Variants in NCOR1 observed in about 807,000 individuals in gnomAD.
The protein encoded by NCOR1 is nuclear receptor corepressor 1, also known as protein phosphatase 1, regulatory subunit 109.
In NCOR1, 63 loss-of-function variants were observed where a neutral mutation model predicts 288.1. The ratio of observed to expected loss-of-function variants is 0.22; its 90% CI spans 0.18 to 0.27. NCOR1 has a LOEUF of 0.27. NCOR1 is among the 10% of genes least tolerant of loss of function. The probability of loss-of-function intolerance (pLI) is 1.00; values close to 1 mark genes in which losing one functional copy is unlikely to be tolerated. For missense variants in NCOR1, 2,397 were observed against 3,019.2 expected (o/e 0.79, Z 4.83); for synonymous variants, 1,007 against 1,065.9 (o/e 0.94, Z 1.08).
chr17:16,056,757 T>C (rs977956222), intron 40 of NCOR1, among the ~76,000 whole-genome samples: 4 of 152,198 alleles, frequency 2.6e-5, no homozygotes, highest in Non-Finnish European at 5.9e-5. Flanking sequence ...TAAGAAGATA[T>C]GCTCTTTATC....
rs749957485 is a variant in NCOR1 at position 16,151,951 on chromosome 17, G to A, written c.837C>T (p.Ile279=). 16 of 1,598,062 alleles carry A rather than the reference G, an allele frequency of 1.0e-5. No homozygotes were observed. In the South Asian group the frequency reaches 1.7e-4, roughly 17 times the overall value. ...CAAAGATGATCAATACTTACGTCTTGATGTTCTCATGGTACACCTTGGTAT... is the reference window on the plus strand; with the variant it reads ...CAAAGATGATCAATACTTACGTCTTAATGTTCTCATGGTACACCTTGGTAT... ...PSDTKVYHEN[I]KTNQVMRKKL... is the part of the protein sequence containing the mutation. The change falls in exon 8 of 46, where the codon ATC becomes ATT. Residue 279 remains isoleucine (I), a synonymous_variant. Transcript: ENST00000268712.
intron 18 of NCOR1, among the ~76,000 whole-genome samples, chr17:16,117,548 T>C (rs1004135616): frequency 6.9e-6 from 1 of 145,288 alleles, no homozygotes; most frequent in Non-Finnish European, 1.5e-5. Flanking sequence ...CAAGGCTAGA[T>C]GCAGTGGCTC....
At chr17:16,106,056 C>T (rs2068565952) in intron 19 of NCOR1, among the ~76,000 whole-genome samples, 1 of 151,938 alleles carries the variant, frequency 6.6e-6, no homozygotes, top group South Asian at 2.1e-4. Context: ...GCTGAGATTG[C>T]AACACTGCAC....
intron 5 of NCOR1, among the ~76,000 whole-genome samples, chr17:16,159,923 G>T (rs1288544342): frequency 6.6e-6 from 1 of 151,488 alleles, no homozygotes; most frequent in Non-Finnish European, 1.5e-5. Flanking sequence ...TCCGCTTCCA[G>T]GGTTCAAGCG....
chr17:16,151,045 AAT>A (rs928034412), intron 8 of NCOR1, among the ~76,000 whole-genome samples: 5 of 151,054 alleles, frequency 3.3e-5, no homozygotes, highest in East Asian at 1.9e-4. Flanking sequence ...GAAAAAAATA[AAT>A]ATATATATAT....
intron 1 of NCOR1, among the ~76,000 whole-genome samples, chr17:16,200,810 A>G (rs941661553): frequency 9.2e-5 from 14 of 152,204 alleles, no homozygotes; most frequent in African/African-American, 3.1e-4. Flanking sequence ...CACCAATTCT[A>G]AAAGTATGTT....
chr17:16,095,530 A>G (rs2066354622), intron 21 of NCOR1, among the ~76,000 whole-genome samples: 1 of 125,878 alleles, frequency 7.9e-6, no homozygotes, highest in Admixed American at 7.9e-5. Context: ...CCCATCCGGG[A>G]GGGAGGTTGG....
At chr17:16,069,503 T>C (rs1250633389) in intron 31 of NCOR1, among the ~76,000 whole-genome samples, 1 of 152,214 alleles carries the variant, frequency 6.6e-6, no homozygotes, top group Non-Finnish European at 1.5e-5. Context: ...CTCAGGTTGA[T>C]AGGGACCACT....
intron 42 of NCOR1, chr17:16,040,942 G>A: frequency 6.0e-6 from 1 of 167,178 alleles, no homozygotes; most frequent in South Asian, 1.5e-4. Flanking sequence ...TGCACTGCTG[G>A]AGAAAAACAA....
At chr17:16,188,425 C>G (rs762966607) in intron 2 of NCOR1, among the ~76,000 whole-genome samples, 1 of 151,830 alleles carries the variant, frequency 6.6e-6, no homozygotes, top group Non-Finnish European at 1.5e-5. Flanking sequence ...GCCTGGCCAA[C>G]ACAGTGAAAC....
At position 16,068,621 on chromosome 17, in the gene NCOR1, T is replaced by A. The variant is rs199680431; in HGVS notation, c.4514-500A>T. Reference sequence around the variant, plus strand: ...TCACCAATATCTATCACCTCCCTACTCCAGCCTCTCTTCTCTTAAATGATG... The same window carrying A: ...TCACCAATATCTATCACCTCCCTACACCAGCCTCTCTTCTCTTAAATGATG... On this transcript the variant is annotated intron_variant, in intron 31 of 45. Coordinates refer to ENST00000268712, the MANE Select transcript of NCOR1 (RefSeq NM_006311.4). Among the ~76,000 whole-genome samples, 26 of 152,150 alleles carry A rather than the reference T, an allele frequency of 1.7e-4. No homozygotes were observed. The South Asian group carries it at 5.4e-3, about 32-fold the overall frequency.
intron 3 of NCOR1, among the ~76,000 whole-genome samples, chr17:16,176,197 C>A (rs1418729682): frequency 2.0e-5 from 3 of 151,892 alleles, no homozygotes; most frequent in Non-Finnish European, 4.4e-5. Context: ...CCAGCCTGAA[C>A]AACAAGAGCA....
chr17:16,138,251 A>G, intron 12 of NCOR1, 39 bp from the exon 13 acceptor site: 1 of 1,538,992 alleles, frequency 6.5e-7, no homozygotes, highest in Non-Finnish European at 8.9e-7. Context: ...TTGCGTACAA[A>G]TATTTCAACA....
intron 14 of NCOR1, among the ~76,000 whole-genome samples, chr17:16,127,521 A>G (rs2074692246): frequency 6.8e-6 from 1 of 146,882 alleles, no homozygotes; most frequent in South Asian, 2.1e-4. Flanking sequence ...GTGTATATAC[A>G]CACGTGTATA....
In NCOR1 at chr17:16,194,653, G is replaced by A; in HGVS notation, c.-70-14C>T. On this transcript the variant is annotated splice_polypyrimidine_tract_variant and intron_variant, in intron 1 of 45. Transcript: ENST00000268712. ...CTAGGAAACCACCTAAACAGGATGA[G>A]AAAAAAACAGAATTAGTAAGAACTA... 1.1e-5 allele frequency: 8 copies of A among 732,580 alleles called. No individual in the cohort carries two copies. The highest frequency in any genetic ancestry group is 5.6e-5 in the East Asian group (2 of 35,540). 45.4% of individuals were successfully genotyped at this position (732,580 alleles called of 1,614,324 possible). A position where few individuals can be genotyped will look rare whatever the true frequency, so the allele number is the denominator to read the frequency against.
intron 26 of NCOR1, among the ~76,000 whole-genome samples, chr17:16,076,118 T>C (rs1207225561): frequency 1.3e-5 from 2 of 152,244 alleles, no homozygotes; most frequent in Non-Finnish European, 2.9e-5. Context: ...CTTAAATAAA[T>C]GTGGTTAAGT....
intron 5 of NCOR1, among the ~76,000 whole-genome samples, chr17:16,163,124 C>G (rs546373750): frequency 1.3e-5 from 2 of 152,068 alleles, no homozygotes; most frequent in Non-Finnish European, 2.9e-5. Context: ...GGCAATGGGT[C>G]TTAGATAAAA....
At chr17:16,147,332 C>T (rs1373035833) in intron 9 of NCOR1, among the ~76,000 whole-genome samples, 1 of 152,092 alleles carries the variant, frequency 6.6e-6, no homozygotes, top group Admixed American at 6.5e-5. Flanking sequence ...TCGCTTGAAC[C>T]CAGGAGGTGG....
intron 23 of NCOR1, among the ~76,000 whole-genome samples, chr17:16,083,586 T>G (rs1055585614): frequency 1.1e-4 from 16 of 151,346 alleles, no homozygotes; most frequent in Non-Finnish European, 2.2e-4. Context: ...GTTCATGGTT[T>G]TTTTTTTTTT....
Sources: allele counts gnomAD v4.1 joint callset (sites outside exome capture counted in the v4.1 genomes callset), GRCh38; gene constraint gnomAD v4.1.1; transcripts MANE v1.5; gene names NCBI Gene and HGNC (gene_info 2026-07-23, HGNC 2026-07-21).